Variants in SPAG16 observed in about 807,000 individuals in gnomAD.
SPAG16 encodes sperm-associated antigen 16 protein.
A neutral mutation model predicts 80.4 loss-of-function variants in SPAG16; 86 were observed. That is an observed-to-expected ratio of 1.07 (90% CI 0.90 to 1.28). The LOEUF (loss-of-function observed/expected upper bound fraction) is 1.28, where lower values mean the gene tolerates loss of function less well. Ranked by LOEUF, SPAG16 falls within the 50% of genes most tolerant of loss-of-function variation. The pLI is 0.00. For synonymous variants in SPAG16, 294 were observed against 265.9 expected, an observed-to-expected ratio of 1.11 and a Z score of -1.03; for missense variants, 870 against 765.3, an observed-to-expected ratio of 1.14 and a Z score of -1.61.
At chr2:214,276,463 T>C (rs1289417497) in intron 15 of SPAG16, among the ~76,000 whole-genome samples, 1 of 152,252 alleles carries the variant, frequency 6.6e-6, no homozygotes, top group Admixed American at 6.5e-5. Flanking sequence ...TAGTGCTTCC[T>C]TCAGGAGCTC....
intron 15 of SPAG16, among the ~76,000 whole-genome samples, chr2:214,384,443 G>A (rs781193433): frequency 7.9e-5 from 12 of 152,090 alleles, no homozygotes; most frequent in Non-Finnish European, 1.5e-4. Context: ...TATGTCTCCA[G>A]TGTGACATTT....
intron 10 of SPAG16, among the ~76,000 whole-genome samples, chr2:213,700,416 AAC>A (rs1368635193): frequency 6.8e-6 from 1 of 147,918 alleles, no homozygotes. Context: ...GTGGAAATAT[AAC>A]ACATCATATT....
chr2:213,632,746 C>T (rs993977906), intron 10 of SPAG16, among the ~76,000 whole-genome samples: 2 of 152,072 alleles, frequency 1.3e-5, no homozygotes, highest in South Asian at 4.1e-4. Flanking sequence ...TTTTATCCTT[C>T]ATTCTTTTGA....
At chr2:213,823,725 G>A (rs966028690) in intron 10 of SPAG16, among the ~76,000 whole-genome samples, 1 of 152,040 alleles carries the variant, frequency 6.6e-6, no homozygotes, top group Admixed American at 6.6e-5. Context: ...AGAAATGTCT[G>A]TTTATATCAT....
chr2:214,311,193 C>A (rs1695281229), intron 15 of SPAG16, among the ~76,000 whole-genome samples: 1 of 152,126 alleles, frequency 6.6e-6, no homozygotes, highest in Non-Finnish European at 1.5e-5. Context: ...GTCTGCATTC[C>A]CCCTCTCTCC....
chr2:213,531,809 T>C (rs931104673), intron 10 of SPAG16, among the ~76,000 whole-genome samples: 2 of 152,192 alleles, frequency 1.3e-5, no homozygotes, highest in East Asian at 3.8e-4. Flanking sequence ...TCCATTTTTT[T>C]CCTACACAAT....
chr2:214,377,578 A>C (rs1700204416), intron 15 of SPAG16, among the ~76,000 whole-genome samples: 1 of 152,214 alleles, frequency 6.6e-6, no homozygotes, highest in Admixed American at 6.5e-5. Context: ...GACATATAAC[A>C]TACAAAATAT....
At chr2:214,063,991 A>T (rs2050410735) in intron 13 of SPAG16, among the ~76,000 whole-genome samples, 1 of 152,226 alleles carries the variant, frequency 6.6e-6, no homozygotes, top group Admixed American at 6.5e-5. Flanking sequence ...GAATGAGAAG[A>T]ATTAATGCAG....
intron 14 of SPAG16, among the ~76,000 whole-genome samples, chr2:214,125,832 C>T (rs1576288714): frequency 1.3e-5 from 2 of 151,582 alleles, no homozygotes; most frequent in South Asian, 4.1e-4. Flanking sequence ...TGGGAGCCTT[C>T]AGGAATGAAA....
intron 13 of SPAG16, among the ~76,000 whole-genome samples, chr2:214,050,598 A>G (rs2049592482): frequency 6.6e-6 from 1 of 152,204 alleles, no homozygotes; most frequent in Non-Finnish European, 1.5e-5. Flanking sequence ...AAAATTAGAA[A>G]GCAATGTATG....
At chr2:213,347,784 A>C (rs867708222) in intron 6 of SPAG16, among the ~76,000 whole-genome samples, 17 of 152,124 alleles carry the variant, frequency 1.1e-4, no homozygotes, top group South Asian at 2.1e-4. Context: ...TTTACATTTG[A>C]TGAGGAGTGC....
intron 15 of SPAG16, among the ~76,000 whole-genome samples, chr2:214,258,490 T>C (rs886197703): frequency 2.2e-4 from 32 of 147,466 alleles, no homozygotes; most frequent in East Asian, 1.6e-3. Context: ...TATATATATA[T>C]ACACACACAC....
chr2:213,500,807 C>A (rs1254669573), intron 10 of SPAG16, among the ~76,000 whole-genome samples: 1 of 152,176 alleles, frequency 6.6e-6, no homozygotes, highest in Non-Finnish European at 1.5e-5. Flanking sequence ...ATATTTTCTT[C>A]AGAAGGAATT....
chr2:213,506,176 C>A (rs1326247733), intron 10 of SPAG16, among the ~76,000 whole-genome samples: 1 of 151,870 alleles, frequency 6.6e-6, no homozygotes, highest in East Asian at 1.9e-4. Flanking sequence ...TATTTAAGTG[C>A]TTAATTTAAG....
chr2:213,346,533 CTTA>C (rs2065000908), intron 6 of SPAG16, among the ~76,000 whole-genome samples: 1 of 152,100 alleles, frequency 6.6e-6, no homozygotes, highest in Admixed American at 6.6e-5. Flanking sequence ...ATAGATAGCT[CTTA>C]TTATTTTGAG....
intron 11 of SPAG16, among the ~76,000 whole-genome samples, chr2:213,926,389 C>G (rs538726607): frequency 2.0e-5 from 3 of 152,058 alleles, no homozygotes. Context: ...CCTCGCCCCA[C>G]TTCCATTCCA....
At chr2:213,674,652 G>A (rs1258382198) in intron 10 of SPAG16, among the ~76,000 whole-genome samples, 1 of 149,144 alleles carries the variant, frequency 6.7e-6, no homozygotes, top group Non-Finnish European at 1.5e-5. Flanking sequence ...TTTTGTCCTT[G>A]CGATAGTTTA....
chr2:213,500,159 C>A (rs1446470146), intron 10 of SPAG16, among the ~76,000 whole-genome samples: 1 of 152,060 alleles, frequency 6.6e-6, no homozygotes, highest in Non-Finnish European at 1.5e-5. Flanking sequence ...CCTGACAAAC[C>A]CACAGAATGC....
intron 10 of SPAG16, among the ~76,000 whole-genome samples, chr2:213,787,743 G>T (rs1031133426): frequency 1.3e-5 from 2 of 151,992 alleles, no homozygotes; most frequent in African/African-American, 4.8e-5. Flanking sequence ...AAAAGGAATA[G>T]AAATTTATAC....
Sources: allele counts gnomAD v4.1 joint callset (sites outside exome capture counted in the v4.1 genomes callset), GRCh38; gene constraint gnomAD v4.1.1; transcripts MANE v1.5; gene names NCBI Gene and HGNC (gene_info 2026-07-23, HGNC 2026-07-21).